MAP2: variants seen among roughly 807,000 people sequenced by gnomAD.
MAP2 encodes the protein microtubule-associated protein 2.
A neutral mutation model predicts 137.6 loss-of-function variants in MAP2; 14 were observed. The ratio of observed to expected loss-of-function variants is 0.10; its 90% CI spans 0.07 to 0.16. The LOEUF (loss-of-function observed/expected upper bound fraction) is 0.16, where lower values mean the gene tolerates loss of function less well. Ranked by LOEUF, MAP2 falls within the 10% of genes least tolerant of loss-of-function variation. MAP2 has a pLI of 1.00. For synonymous variants in MAP2, 786 were observed against 782.3 expected (o/e 1.00, Z -0.08); for missense variants, 2,088 against 2,191.5 (o/e 0.95, Z 0.94).
At chr2:209,478,689 C>T (rs1707987796) in intron 1 of MAP2, among the ~76,000 whole-genome samples, 1 of 152,146 alleles carries the variant, frequency 6.6e-6, no homozygotes, top group Non-Finnish European at 1.5e-5. Flanking sequence ...TATTAAAATA[C>T]CAACTTCTAG....
At chr2:209,657,782 C>G (rs2041620408) in intron 5 of MAP2, among the ~76,000 whole-genome samples, 1 of 152,010 alleles carries the variant, frequency 6.6e-6, no homozygotes, top group South Asian at 2.1e-4. Context: ...TCCCATTAGT[C>G]TATTTTTGTT....
intron 1 of MAP2, among the ~76,000 whole-genome samples, chr2:209,455,630 TA>T (rs1253251679): frequency 6.6e-6 from 1 of 152,202 alleles, no homozygotes. Context: ...AGAGCATTAA[TA>T]AAAAACACGG....
intron 2 of MAP2, among the ~76,000 whole-genome samples, chr2:209,544,216 G>T (rs911087604): frequency 6.6e-6 from 1 of 151,664 alleles, no homozygotes; most frequent in East Asian, 1.9e-4. Flanking sequence ...CTGGGTGACA[G>T]AGTGAGACTC....
intron 3 of MAP2, among the ~76,000 whole-genome samples, chr2:209,606,407 A>T (rs546364968): frequency 9.9e-5 from 15 of 152,218 alleles, no homozygotes; most frequent in Admixed American, 3.3e-4. Context: ...TGCACCTGTA[A>T]TCCCACCACT....
chr2:209,672,324 TCA>T (rs1331204759), intron 5 of MAP2, among the ~76,000 whole-genome samples: 2 of 151,908 alleles, frequency 1.3e-5, no homozygotes, highest in Non-Finnish European at 2.9e-5. Context: ...CAGAATAATC[TCA>T]GTGTCTGACA....
intron 1 of MAP2, among the ~76,000 whole-genome samples, chr2:209,438,528 A>G (rs954238024): frequency 2.6e-5 from 4 of 151,512 alleles, no homozygotes; most frequent in African/African-American, 9.7e-5. Context: ...ATAATTAGGA[A>G]AAGTCATTGA....
chr2:209,694,542 T>C lies in MAP2; in HGVS notation c.2372T>C (p.Leu791Pro). 1.2e-6 allele frequency: 2 copies of C among 1,614,106 alleles called. No individual in the cohort carries two copies. Among genetic ancestry groups the C allele is most frequent in the Non-Finnish European group, 1.7e-6 (2 of 1,179,988 alleles). ...QAEISCESPF[L>P]AKDFYKNGTV... is the part of the protein sequence containing the mutation. Reference sequence around the variant, plus strand: ...GAGATATCATGTGAGTCTCCTTTCCTAGCCAAAGATTTTTACAAAAATGGT... The same window carrying C: ...GAGATATCATGTGAGTCTCCTTTCCCAGCCAAAGATTTTTACAAAAATGGT... Residue 791 changes from leucine (L) to proline (P), a missense_variant, in exon 8 of 16, where the codon CTA becomes CCA. This residue lies in a region of MAP2 where 500 missense variants were observed against 482.9 expected (regional missense o/e 1.04). Coordinates refer to ENST00000682079, the MANE Select transcript of MAP2 (RefSeq NM_001375505.1).
intron 12 of MAP2, among the ~76,000 whole-genome samples, chr2:209,709,344 C>T (rs2064607106): frequency 6.6e-6 from 1 of 152,084 alleles, no homozygotes; most frequent in South Asian, 2.1e-4. Flanking sequence ...CAGTGTCTGA[C>T]AGCTTCCATA....
chr2:209,631,653 T>C (rs891475963), intron 4 of MAP2, among the ~76,000 whole-genome samples: 5 of 152,108 alleles, frequency 3.3e-5, no homozygotes, highest in African/African-American at 1.2e-4. Flanking sequence ...TGCCTAATTC[T>C]CACTGAAATA....
intron 13 of MAP2, among the ~76,000 whole-genome samples, chr2:209,718,789 A>G (rs1384341013): frequency 6.6e-6 from 1 of 152,228 alleles, no homozygotes; most frequent in African/African-American, 2.4e-5. Context: ...AAAATTTTAA[A>G]GAAACTATTG....
intron 10 of MAP2, among the ~76,000 whole-genome samples, chr2:209,699,352 TTC>T (rs768606443): frequency 2.0e-4 from 31 of 152,244 alleles, no homozygotes; most frequent in Admixed American, 1.5e-3. Flanking sequence ...TACATTTTTT[TTC>T]TGAGGGTTTC....
intron 3 of MAP2, among the ~76,000 whole-genome samples, chr2:209,595,808 A>T (rs1208559386): frequency 6.6e-6 from 1 of 152,236 alleles, no homozygotes; most frequent in Non-Finnish European, 1.5e-5. Context: ...CTTTGCAGGG[A>T]CATGGATGCA....
intron 2 of MAP2, among the ~76,000 whole-genome samples, chr2:209,542,713 T>C (rs2067271712): frequency 5.9e-5 from 9 of 152,232 alleles, no homozygotes; most frequent in Admixed American, 5.9e-4. Flanking sequence ...TTAAACCTCA[T>C]GAACCAACCT....
At chr2:209,494,039 C>T (rs781778908) in intron 1 of MAP2, among the ~76,000 whole-genome samples, 4 of 152,100 alleles carry the variant, frequency 2.6e-5, no homozygotes, top group African/African-American at 9.7e-5. Flanking sequence ...AACCAAAATG[C>T]CCATCAATGT....
At chr2:209,427,186 C>G (rs1455835375) in intron 1 of MAP2, among the ~76,000 whole-genome samples, 2 of 152,108 alleles carry the variant, frequency 1.3e-5, no homozygotes, top group African/African-American at 4.8e-5. Context: ...TACTTAATTT[C>G]CTCTTAACAG....
chr2:209,710,284 C>A, intron 13 of MAP2, 30 bp downstream of exon 13: 1 of 1,502,006 alleles, frequency 6.7e-7, no homozygotes, highest in Non-Finnish European at 9.1e-7. Context: ...ATATTTGCTG[C>A]CAGAAATAAT....
intron 5 of MAP2, among the ~76,000 whole-genome samples, chr2:209,661,104 C>CA (rs969735254): frequency 4.6e-5 from 7 of 152,104 alleles, no homozygotes; most frequent in African/African-American, 1.7e-4. Context: ...CTCTCACATG[C>CA]AAAAAGCTGC....
chr2:209,720,725 G>T (rs2070317532), intron 13 of MAP2, among the ~76,000 whole-genome samples: 1 of 148,766 alleles, frequency 6.7e-6, no homozygotes, highest in Non-Finnish European at 1.5e-5. Flanking sequence ...TTATTATTCA[G>T]ATTTTTTCCT....
At chr2:209,502,151 A>G (rs2060458322) in intron 1 of MAP2, among the ~76,000 whole-genome samples, 1 of 152,144 alleles carries the variant, frequency 6.6e-6, no homozygotes, top group Non-Finnish European at 1.5e-5. Context: ...AGACCTTACA[A>G]TATTATTAAC....
Sources: gnomAD v4.1 joint callset for allele counts (sites outside exome capture counted in the v4.1 genomes callset) on GRCh38, gnomAD v4.1.1 for gene constraint, gnomAD v4.1.1 regional missense constraint, MANE v1.5 for transcripts, NCBI Gene and HGNC (gene_info 2026-07-23, HGNC 2026-07-21) for gene names.